Variants in KCNH5 observed in about 807,000 individuals in gnomAD.
KCNH5 encodes potassium voltage-gated channel subfamily H member 5.
In KCNH5, 46 loss-of-function variants were observed where a neutral mutation model predicts 96.1. The ratio of observed to expected loss-of-function variants is 0.48; its 90% CI spans 0.38 to 0.61. The LOEUF is 0.61. KCNH5 is among the 20% of genes least tolerant of loss of function. The pLI is 0.00. For missense variants in KCNH5, 907 were observed against 1,225.8 expected (o/e 0.74, Z 3.88); for synonymous variants, 439 against 449.8 (o/e 0.98, Z 0.30).
At chr14:62,902,104 TC>T (rs1200086531) in intron 7 of KCNH5, among the ~76,000 whole-genome samples, 3 of 152,174 alleles carry the variant, frequency 2.0e-5, no homozygotes, top group African/African-American at 7.2e-5. Context: ...TCTTACAGAT[TC>T]TGGATGTTAG....
chr14:62,869,390 TC>T (rs1167648487), intron 7 of KCNH5, among the ~76,000 whole-genome samples: 1 of 152,018 alleles, frequency 6.6e-6, no homozygotes, highest in Non-Finnish European at 1.5e-5. Context: ...TTTTTTTTTT[TC>T]TTGTAAATCT....
chr14:62,726,587 C>T (rs1884930244), intron 10 of KCNH5, among the ~76,000 whole-genome samples: 1 of 151,754 alleles, frequency 6.6e-6, no homozygotes, highest in African/African-American at 2.4e-5. Context: ...ATTACCCCTA[C>T]ACACTCATCA....
intron 7 of KCNH5, among the ~76,000 whole-genome samples, chr14:62,924,992 G>T (rs908944828): frequency 6.6e-6 from 1 of 151,974 alleles, no homozygotes; most frequent in South Asian, 2.1e-4. Flanking sequence ...TAACTGTGAG[G>T]TGGTGGATAT....
rs182707550 is a variant in KCNH5 at position 62,761,073 on chromosome 14, G to A, written c.2019+18655C>T. ...AAATGCTCCTCAAAAGATTACGGTC[G>A]GCCAGGCAGGGTGGCTCACCCCTGT... On this transcript the variant is annotated intron_variant, in intron 10 of 10. Transcript: ENST00000322893. 3.8e-3 allele frequency among the ~76,000 whole-genome samples: 585 copies of A among 152,110 alleles called. 2 individuals carry two copies. The highest frequency in any genetic ancestry group is 7.1e-3 in the Admixed American group (109 of 15,290).
chr14:62,875,497 T>C (rs1172451126), intron 7 of KCNH5, among the ~76,000 whole-genome samples: 1 of 151,940 alleles, frequency 6.6e-6, no homozygotes, highest in African/African-American at 2.4e-5. Context: ...AACAGAGATA[T>C]AGATCAATGG....
At chr14:62,924,799 G>T (rs563119966) in intron 7 of KCNH5, among the ~76,000 whole-genome samples, 1 of 152,046 alleles carries the variant, frequency 6.6e-6, no homozygotes, top group Non-Finnish European at 1.5e-5. Flanking sequence ...GTAGTTACCA[G>T]GTACTTAGAA....
At chr14:62,905,603 T>C (rs572116926) in intron 7 of KCNH5, among the ~76,000 whole-genome samples, 1 of 152,304 alleles carries the variant, frequency 6.6e-6, no homozygotes, top group African/African-American at 2.4e-5. Context: ...CTCTGCTAAA[T>C]GTGTTCAATT....
chr14:62,799,726 T>TATATATACATAC (rs1213484157), intron 9 of KCNH5, among the ~76,000 whole-genome samples: 1 of 68,664 alleles, frequency 1.5e-5, no homozygotes. Flanking sequence ...TATATATATA[T>TATATATACATAC]ACACACACAC....
chr14:62,766,929 A>T (rs375966496), intron 10 of KCNH5, among the ~76,000 whole-genome samples: 2 of 152,188 alleles, frequency 1.3e-5, no homozygotes, highest in African/African-American at 4.8e-5. Context: ...ATATCAAAAC[A>T]TCTCATGTAC....
At chr14:62,874,224 G>A (rs189594920) in intron 7 of KCNH5, among the ~76,000 whole-genome samples, 47 of 152,026 alleles carry the variant, frequency 3.1e-4, no homozygotes, top group African/African-American at 8.4e-4. Flanking sequence ...GTGTATAAAC[G>A]TGTGTTTCTT....
chr14:62,919,319 A>G (rs2140107027), intron 7 of KCNH5, among the ~76,000 whole-genome samples: 1 of 152,248 alleles, frequency 6.6e-6, no homozygotes, highest in South Asian at 2.1e-4. Flanking sequence ...ATTTTATTAG[A>G]AAACAAATAT....
chr14:63,003,535 T>A (rs1459026319), intron 3 of KCNH5, among the ~76,000 whole-genome samples: 5,152 of 111,308 alleles, frequency 0.046, 212 homozygotes, highest in East Asian at 0.15. Flanking sequence ...TTATATATAT[T>A]ATATATTATA....
intron 7 of KCNH5, among the ~76,000 whole-genome samples, chr14:62,884,059 T>C (rs1237765772): frequency 1.3e-5 from 2 of 152,198 alleles, no homozygotes; most frequent in African/African-American, 4.8e-5. Flanking sequence ...ACAGCCCTTC[T>C]TGCCTCTTAG....
At chr14:62,751,732 C>G (rs780641101) in intron 10 of KCNH5, among the ~76,000 whole-genome samples, 1 of 152,224 alleles carries the variant, frequency 6.6e-6, no homozygotes, top group Non-Finnish European at 1.5e-5. Flanking sequence ...AAGAGCTGCA[C>G]CTTGTGGGAA....
rs770570424 is a variant in KCNH5 at position 62,950,454 on chromosome 14, C to T, written c.1048G>A (p.Val350Met). The T allele has an allele frequency of 2.5e-6, 4 of 1,613,716 alleles. No homozygotes were observed. Among genetic ancestry groups the T allele is most frequent in the East Asian group, 2.2e-5 (1 of 44,844 alleles). The change falls in exon 7 of 11, where the codon GTG (valine) becomes ATG (methionine). Residue 350 changes from valine to methionine, a missense_variant. Around this residue, in one of 6 missense-constraint regions of KCNH5, gnomAD observed 370 missense variants for 561.3 expected, o/e 0.66. Transcript: ENST00000322893. The stretch of plus-strand genomic sequence containing the variant: ...AGTCCAAACACACACACCAGGAGCA[C>T]GAGGACTGCTGCTCCATATTCTAGG... The part of the protein sequence containing the change: ...HYLEYGAAVL[V>M]LLVCVFGLVA...
intron 7 of KCNH5, among the ~76,000 whole-genome samples, chr14:62,870,763 T>C (rs1479066286): frequency 9.2e-5 from 14 of 152,182 alleles, no homozygotes; most frequent in Admixed American, 9.2e-4. Context: ...TATATATAAC[T>C]TTTATAAACT....
intron 4 of KCNH5, among the ~76,000 whole-genome samples, chr14:62,996,131 A>T (rs17100615): frequency 0.067 from 10,169 of 152,244 alleles, 469 homozygotes; most frequent in East Asian, 0.16. Flanking sequence ...TTTAAAAAGT[A>T]GAAAGATAGG....
chr14:62,743,954 C>A (rs549199433), intron 10 of KCNH5, among the ~76,000 whole-genome samples: 1 of 152,096 alleles, frequency 6.6e-6, no homozygotes, highest in African/African-American at 2.4e-5. Context: ...TTTGAAACTA[C>A]CATTCAAAGA....
intron 8 of KCNH5, among the ~76,000 whole-genome samples, chr14:62,816,587 A>G (rs900793553): frequency 2.0e-5 from 3 of 152,060 alleles, no homozygotes; most frequent in Non-Finnish European, 4.4e-5. Flanking sequence ...TCAGGAATTT[A>G]GTCCTCTGGA....
Sources: allele counts gnomAD v4.1 joint callset (sites outside exome capture counted in the v4.1 genomes callset), GRCh38; gene constraint gnomAD v4.1.1; regional missense constraint gnomAD v4.1.1; transcripts MANE v1.5; gene names NCBI Gene and HGNC (gene_info 2026-07-23, HGNC 2026-07-21).